POU6F2: variants seen among roughly 807,000 people sequenced by gnomAD.
The protein encoded by POU6F2 is POU domain, class 6, transcription factor 2.
POU6F2 carries 31 observed loss-of-function variants against 71.3 expected under a neutral mutation model. The ratio of observed to expected loss-of-function variants is 0.43; its 90% CI spans 0.33 to 0.59. The LOEUF is 0.59. Ranked by LOEUF, POU6F2 falls within the 20% of genes least tolerant of loss-of-function variation. POU6F2 has a pLI of 0.04. For synonymous variants in POU6F2, 347 were observed against 355.7 expected, an observed-to-expected ratio of 0.98 and a Z score of 0.27; for missense variants, 783 against 856.8, an observed-to-expected ratio of 0.91 and a Z score of 1.07.
At chr7:39,086,594 A>G (rs778770855) in intron 2 of POU6F2, among the ~76,000 whole-genome samples, 1 of 152,206 alleles carries the variant, frequency 6.6e-6, no homozygotes, top group Non-Finnish European at 1.5e-5. Flanking sequence ...TGATGAGGAA[A>G]GAAAACAGGT....
intron 7 of POU6F2, among the ~76,000 whole-genome samples, chr7:39,447,076 A>C (rs777308814): frequency 6.6e-6 from 1 of 152,232 alleles, no homozygotes; most frequent in Non-Finnish European, 1.5e-5. Flanking sequence ...ACTGCATCTG[A>C]GATGTGTCCC....
chr7:39,364,396 G>T (rs1023905088), intron 5 of POU6F2, among the ~76,000 whole-genome samples: 10 of 151,882 alleles, frequency 6.6e-5, no homozygotes, highest in African/African-American at 2.4e-4. Context: ...CCAATTTGTG[G>T]TCTTTTATCC....
chr7:39,282,788 T>A (rs1175169174), intron 4 of POU6F2, among the ~76,000 whole-genome samples: 1 of 152,140 alleles, frequency 6.6e-6, no homozygotes, highest in Non-Finnish European at 1.5e-5. Flanking sequence ...TCTATATGAA[T>A]TTTAAGATTG....
intron 1 of POU6F2, among the ~76,000 whole-genome samples, chr7:39,039,462 T>C (rs1790134578): frequency 6.6e-6 from 1 of 152,000 alleles, no homozygotes; most frequent in Admixed American, 6.6e-5. Flanking sequence ...CATCAACTAA[T>C]TGCATTCACT....
chr7:39,447,600 A>G (rs1788554374), intron 7 of POU6F2, among the ~76,000 whole-genome samples: 1 of 152,180 alleles, frequency 6.6e-6, no homozygotes, highest in African/African-American at 2.4e-5. Flanking sequence ...ATACACAAAA[A>G]CAGGTAGGAA....
At chr7:39,066,322 G>T (rs1414784596) in intron 1 of POU6F2, among the ~76,000 whole-genome samples, 4 of 151,546 alleles carry the variant, frequency 2.6e-5, no homozygotes, top group African/African-American at 9.7e-5. Flanking sequence ...TAAAATCAAG[G>T]CTAAGACAAG....
intron 5 of POU6F2, among the ~76,000 whole-genome samples, chr7:39,391,813 C>T (rs1787080979): frequency 6.6e-6 from 1 of 152,198 alleles, no homozygotes; most frequent in South Asian, 2.1e-4. Flanking sequence ...TATCTTTTAA[C>T]ATTAGGTAAC....
Position 39,208,121 on chromosome 7 carries a change from G to A in POU6F2, c.598+501G>A, listed in dbSNP as rs79974123. ...GTTATAGTTATTAAACAAAAATTGT[G>A]TTATTTGAGCTCATATTTTGCAATG... On this transcript the variant is annotated intron_variant, in intron 4 of 9. Coordinates refer to ENST00000518318, the MANE Select transcript of POU6F2 (RefSeq NM_001370959.1). 2.0e-4 allele frequency among the ~76,000 whole-genome samples: 31 copies of A among 152,294 alleles called. No homozygotes were observed. The East Asian group carries it at 5.6e-3, about 27-fold the overall frequency.
intron 1 of POU6F2, among the ~76,000 whole-genome samples, chr7:39,063,644 G>C (rs962511227): frequency 6.6e-6 from 1 of 152,090 alleles, no homozygotes; most frequent in Non-Finnish European, 1.5e-5. Context: ...GGGAATCCCT[G>C]AGAAATCAAG....
chr7:39,203,812 T>G (rs1448750991), intron 2 of POU6F2, among the ~76,000 whole-genome samples: 1 of 152,088 alleles, frequency 6.6e-6, no homozygotes, highest in Admixed American at 6.6e-5. Flanking sequence ...GAATAAGAAC[T>G]TGGGAGTATG....
chr7:39,167,683 A>G (rs11982811), intron 2 of POU6F2, among the ~76,000 whole-genome samples: 2,452 of 152,046 alleles, frequency 0.016, 67 homozygotes, highest in African/African-American at 0.057. Context: ...TTTCTTTTAC[A>G]AATTGTTTAT....
chr7:39,037,161 C>T (rs541349609), intron 1 of POU6F2, among the ~76,000 whole-genome samples: 7 of 152,020 alleles, frequency 4.6e-5, no homozygotes, highest in Non-Finnish European at 7.4e-5. Flanking sequence ...CCTACAAAAT[C>T]ACTTTTCCCT....
intron 2 of POU6F2, among the ~76,000 whole-genome samples, chr7:39,129,085 C>A (rs1792201774): frequency 6.6e-6 from 1 of 152,176 alleles, no homozygotes; most frequent in South Asian, 2.1e-4. Flanking sequence ...GTAAACGGTG[C>A]TGGCAAAGGA....
Position 39,082,794 on chromosome 7 carries a change from GCACACACACACACACACA to G in POU6F2, c.106-3041_106-3024del, listed in dbSNP as rs35710081. On this transcript the variant is annotated intron_variant, in intron 1 of 9. Transcript: ENST00000518318. ...GGGGTTTGCTGTTTAACCATGTCAT[GCACACACACACACACACA>G]CACACACACACACACACACACACAA... is the stretch of plus-strand genomic sequence containing the variant. 5.1e-3 allele frequency among the ~76,000 whole-genome samples: 699 copies of G among 137,162 alleles called. 2 individuals are homozygous for G. Among genetic ancestry groups the G allele is most frequent in the African/African-American group, 0.017 (629 of 36,238 alleles). The allele number at this position is 137,162 out of a possible 152,430, so 90.0% of individuals were successfully genotyped here. A position where few individuals can be genotyped will look rare whatever the true frequency, so the allele number is the denominator to read the frequency against.
chr7:39,074,649 A>G (rs1044942050), intron 1 of POU6F2, among the ~76,000 whole-genome samples: 1 of 152,140 alleles, frequency 6.6e-6, no homozygotes, highest in Non-Finnish European at 1.5e-5. Context: ...AAGATAGTGT[A>G]TCCTTTTTAG....
At chr7:39,275,284 G>A (rs890623144) in intron 4 of POU6F2, among the ~76,000 whole-genome samples, 1 of 152,126 alleles carries the variant, frequency 6.6e-6, no homozygotes, top group Admixed American at 6.5e-5. Context: ...CAAATCATGA[G>A]TGAACTCCCA....
At chr7:39,374,927 G>A (rs1367045029) in intron 5 of POU6F2, among the ~76,000 whole-genome samples, 3 of 152,160 alleles carry the variant, frequency 2.0e-5, no homozygotes, top group African/African-American at 7.2e-5. Context: ...TATTACTGCA[G>A]CAATGCCGTC....
chr7:38,988,499 G>C (rs751996074), intron 1 of POU6F2, among the ~76,000 whole-genome samples: 1 of 152,062 alleles, frequency 6.6e-6, no homozygotes, highest in Admixed American at 6.6e-5. Context: ...GTGTGTCTGT[G>C]TGTGTTTCAG....
chr7:39,228,961 C>T (rs1206287502), intron 4 of POU6F2, among the ~76,000 whole-genome samples: 4 of 152,196 alleles, frequency 2.6e-5, no homozygotes, highest in African/African-American at 9.6e-5. Context: ...GGCTTAGGCA[C>T]TGAGAGCCTC....
Sources: gnomAD v4.1 joint callset for allele counts (sites outside exome capture counted in the v4.1 genomes callset) on GRCh38, gnomAD v4.1.1 for gene constraint, MANE v1.5 for transcripts, NCBI Gene and HGNC (gene_info 2026-07-23, HGNC 2026-07-21) for gene names.